PCNX4: variants seen among roughly 807,000 people sequenced by gnomAD.
The protein encoded by PCNX4 is pecanex-like protein 4.
Under a neutral mutation model 107.2 loss-of-function variants are expected in PCNX4, and 103 were observed. The observed-to-expected ratio is 0.96, with a 90% confidence interval of 0.82 to 1.13. PCNX4 has a LOEUF of 1.13. PCNX4 is among the 50% of genes most tolerant of loss of function. The pLI is 0.00. For missense variants in PCNX4, 1,528 were observed against 1,379.4 expected (o/e 1.11, Z -1.71); for synonymous variants, 541 against 481.7 (o/e 1.12, Z -1.61).
chr14:60,124,371 A>G lies in PCNX4; in HGVS notation c.2200A>G (p.Lys734Glu), dbSNP rs1896008706. 1.2e-6 allele frequency: 2 copies of G among 1,613,366 alleles called. No homozygotes were observed. Among genetic ancestry groups the G allele is most frequent in the Admixed American group, 3.3e-5 (2 of 59,854 alleles). ...GACACCCTGTACTGTTTTGCCTGTGAAATTGTATTCTGATGCCAGGAATGT... is the reference window on the plus strand; with the variant it reads ...GACACCCTGTACTGTTTTGCCTGTGGAATTGTATTCTGATGCCAGGAATGT... The part of the protein sequence containing the change: ...VLTPCTVLPV[K>E]LYSDARNVLS... Residue 734 changes from lysine to glutamate, a missense_variant, in exon 9 of 11, where the codon AAA (lysine) becomes GAA (glutamate). By Grantham distance (56) the Lys-to-Glu change is moderately conservative. Coordinates refer to ENST00000406854, the MANE Select transcript of PCNX4 (RefSeq NM_001330177.2).
At chr14:60,115,547 G>GGT in intron 4 of PCNX4, 86 bp downstream of exon 4, 1 of 1,435,044 alleles carries the variant, frequency 7.0e-7, no homozygotes, top group Non-Finnish European at 9.3e-7. Flanking sequence ...ATATTTGTGT[G>GGT]GTATTATACC....
chr14:60,144,983 T>TA lies in PCNX4; in HGVS notation c.*10765dup. On this transcript the variant is annotated 3_prime_UTR_variant, in exon 11 of 11. Transcript: ENST00000406854. The stretch of plus-strand genomic sequence containing the variant: ...TGCTCTTTTCAGTCATGTTTTGTCT[T>TA]AAAGATTTTAAAATAAGAAGAGTCT... 1 of 1,603,140 alleles carries TA rather than the reference T, an allele frequency of 6.2e-7. No individual in the cohort carries two copies. The highest frequency in any genetic ancestry group is 8.5e-7 in the Non-Finnish European group (1 of 1,176,954).
At chr14:60,128,537 C>T (rs1339552067) in intron 10 of PCNX4, among the ~76,000 whole-genome samples, 1 of 152,138 alleles carries the variant, frequency 6.6e-6, no homozygotes, top group Non-Finnish European at 1.5e-5. Context: ...AAGAAATTCC[C>T]AGATAAACAA....
intron 10 of PCNX4, among the ~76,000 whole-genome samples, chr14:60,127,698 A>G (rs941673452): frequency 2.6e-5 from 4 of 152,232 alleles, no homozygotes; most frequent in Admixed American, 1.3e-4. Flanking sequence ...GGAATATCCA[A>G]TTTTCAACAA....
chr14:60,116,390 A>G (rs1393516861), intron 6 of PCNX4, among the ~76,000 whole-genome samples: 1 of 152,210 alleles, frequency 6.6e-6, no homozygotes, highest in Non-Finnish European at 1.5e-5. Context: ...TTCATGTTAT[A>G]GCATGTATCA....
chr14:60,118,516 C>G lies in PCNX4; in HGVS notation c.1766C>G (p.Pro589Arg), dbSNP rs774273762. 5 of 1,613,604 alleles carry G rather than the reference C, an allele frequency of 3.1e-6. No individual in the cohort carries two copies. Among genetic ancestry groups the G allele is most frequent in the Non-Finnish European group, 3.4e-6 (4 of 1,179,836 alleles). ...GTTTTTTCTACACTACTCTCTTCTC[C>G]CTTACTCCCTCTTTTCACCCTTCCT... ...IIVFSTLLSS[P>R]LLPLFTLPVF... The change falls in exon 7 of 11, where the codon CCC becomes CGC. Residue 589 changes from proline (P) to arginine (R), a missense_variant. Transcript: ENST00000406854.
Position 60,141,311 on chromosome 14 carries a change from A to G in PCNX4, c.*7090A>G, listed in dbSNP as rs1027523176. 2 of 152,234 alleles carry G rather than the reference A, an allele frequency of 1.3e-5. No homozygotes were observed. The highest frequency in any genetic ancestry group is 2.9e-5 in the Non-Finnish European group (2 of 68,046). The allele number at this position is 152,234 out of a possible 1,614,324, so 9.4% of individuals were successfully genotyped here. A position where few individuals can be genotyped will look rare whatever the true frequency, so the allele number is the denominator to read the frequency against. On this transcript the variant is annotated 3_prime_UTR_variant, in exon 11 of 11. Coordinates refer to ENST00000406854, the MANE Select transcript of PCNX4 (RefSeq NM_001330177.2). ...AAATAACCAAAAGCAGAAATCAATG[A>G]AACTGCAAATAGAAAAATACATAAA...
Position 60,108,286 on chromosome 14 carries a change from T to G in PCNX4, c.648T>G (p.Pro216=). 1.2e-6 allele frequency: 2 copies of G among 1,609,310 alleles called. No individual in the cohort carries two copies. Among genetic ancestry groups the G allele is most frequent in the Non-Finnish European group, 1.7e-6 (2 of 1,178,994 alleles). Residue 216 remains proline, a synonymous_variant, in exon 2 of 11, where the codon CCT becomes CCG. Coordinates refer to ENST00000406854, the MANE Select transcript of PCNX4 (RefSeq NM_001330177.2). ...ATGAAATTATTCCTCTTATGAGACCTCTTTATATTTTTTTCTTTGTTTCTG... is the reference window on the plus strand; with the variant it reads ...ATGAAATTATTCCTCTTATGAGACCGCTTTATATTTTTTTCTTTGTTTCTG... ...DTYEIIPLMR[P]LYIFFFVSVD...
rs1328788699 is a variant in PCNX4 at position 60,135,699 on chromosome 14, C to T, written c.*1478C>T. ...TCCTGAGTAGCTGGGATTAAAGGCG[C>T]ATGCCACCACGCCGGCTAATTTTTG... On this transcript the variant is annotated 3_prime_UTR_variant, in exon 11 of 11. Transcript: ENST00000406854. 1 of 152,224 alleles carries T rather than the reference C, an allele frequency of 6.6e-6. No homozygotes were observed. Among genetic ancestry groups the T allele is most frequent in the East Asian group, 1.9e-4 (1 of 5,182 alleles). The allele number at this position is 152,224 out of a possible 1,614,324, so 9.4% of individuals were successfully genotyped here. A position where few individuals can be genotyped will look rare whatever the true frequency, so the allele number is the denominator to read the frequency against.
At chr14:60,093,982 C>T (rs533814733) in intron 1 of PCNX4, among the ~76,000 whole-genome samples, 4 of 152,090 alleles carry the variant, frequency 2.6e-5, no homozygotes, top group Non-Finnish European at 4.4e-5. Flanking sequence ...TGCTTATTAA[C>T]CATTTGTATA....
intron 1 of PCNX4, among the ~76,000 whole-genome samples, chr14:60,107,101 G>A (rs1278501920): frequency 6.6e-6 from 1 of 152,104 alleles, no homozygotes; most frequent in Non-Finnish European, 1.5e-5. Flanking sequence ...TAAAAAACAA[G>A]GCTGAGCACA....
intron 7 of PCNX4, among the ~76,000 whole-genome samples, chr14:60,120,694 G>T (rs1300039286): frequency 6.6e-6 from 1 of 152,148 alleles, no homozygotes; most frequent in Non-Finnish European, 1.5e-5. Context: ...TTAGCTGTTT[G>T]CCATAGATGT....
chr14:60,103,235 T>C (rs2140533485), intron 1 of PCNX4, among the ~76,000 whole-genome samples: 1 of 152,330 alleles, frequency 6.6e-6, no homozygotes, highest in African/African-American at 2.4e-5. Context: ...TTTCTTAAAG[T>C]AGTTTCCATA....
rs1896293417 is a variant in PCNX4, at chr14:60,140,400, T to A, written c.*6179T>A. The A allele has an allele frequency of 1.3e-5, 2 of 152,212 alleles. No homozygotes were observed. The highest frequency in any genetic ancestry group is 2.9e-5 in the Non-Finnish European group (2 of 68,030). 9.4% of individuals were successfully genotyped at this position (152,212 alleles called of 1,614,324 possible). ...AGTGAAACAACAAGCCTAGATGGATTGATTCGTCAATGGAAAGACAATCTT... is the reference window on the plus strand; with the variant it reads ...AGTGAAACAACAAGCCTAGATGGATAGATTCGTCAATGGAAAGACAATCTT... On this transcript the variant is annotated 3_prime_UTR_variant, in exon 11 of 11. Coordinates refer to ENST00000406854, the MANE Select transcript of PCNX4 (RefSeq NM_001330177.2). This position sits in a 1 kb window ranked among gnomAD's most constrained non-coding sequence, Gnocchi z 4.2.
chr14:60,110,270 A>G (rs1895716211), intron 2 of PCNX4: 1 of 167,160 alleles, frequency 6.0e-6, no homozygotes, highest in Non-Finnish European at 1.5e-5. Context: ...ACAAAAGTGC[A>G]GTATTCTTCA....
chr14:60,147,023 A>G lies in PCNX4; in HGVS notation c.*12802A>G, dbSNP rs1169909902. On this transcript the variant is annotated 3_prime_UTR_variant, in exon 11 of 11. Coordinates refer to ENST00000406854, the MANE Select transcript of PCNX4 (RefSeq NM_001330177.2). ...CAAGGTAGGTGGATCGCCTGAGCCCAGGAGTTTGAGACTAGCCTGGGCAAC... is the reference window on the plus strand; with the variant it reads ...CAAGGTAGGTGGATCGCCTGAGCCCGGGAGTTTGAGACTAGCCTGGGCAAC... The G allele has an allele frequency of 1.3e-5, 2 of 152,314 alleles. No individual in the cohort carries two copies. Among genetic ancestry groups the G allele is most frequent in the East Asian group, 3.9e-4 (2 of 5,192 alleles). 9.4% of individuals were successfully genotyped at this position (152,314 alleles called of 1,614,324 possible).
chr14:60,128,939 G>T (rs945073838), intron 10 of PCNX4, among the ~76,000 whole-genome samples: 1 of 152,044 alleles, frequency 6.6e-6, no homozygotes, highest in Non-Finnish European at 1.5e-5. Flanking sequence ...AAGGCTGGGC[G>T]CAGTGGTTCA....
In PCNX4 at chr14:60,117,744, G is replaced by T. The variant is rs73310160; in HGVS notation, c.1579-585G>T. 2.9e-3 allele frequency among the ~76,000 whole-genome samples: 443 copies of T among 152,238 alleles called. 3 individuals are homozygous for T. The highest frequency in any genetic ancestry group is 0.01 in the African/African-American group (424 of 41,534). On this transcript the variant is annotated intron_variant, in intron 6 of 10. Transcript: ENST00000406854. ...AGTTTTCTTTCCTTGTGATATCATT[G>T]CCTGGTCCCCTAAAATGAGTTAGGA...
intron 1 of PCNX4, among the ~76,000 whole-genome samples, chr14:60,101,564 G>T (rs532001852): frequency 6.6e-6 from 1 of 152,130 alleles, no homozygotes; most frequent in Non-Finnish European, 1.5e-5. Flanking sequence ...CACCTGTTAT[G>T]ATGACTACTA....
Sources: allele counts gnomAD v4.1 joint callset (sites outside exome capture counted in the v4.1 genomes callset), GRCh38; gene constraint gnomAD v4.1.1; non-coding constraint Gnocchi (gnomAD v3.1); transcripts MANE v1.5; gene names NCBI Gene and HGNC (gene_info 2026-07-23, HGNC 2026-07-21).